AKAP13: variants seen among roughly 807,000 people sequenced by gnomAD.
The protein encoded by AKAP13 is A-kinase anchoring protein 13.
Under a neutral mutation model 264.5 loss-of-function variants are expected in AKAP13, and 80 were observed. The ratio of observed to expected loss-of-function variants is 0.30; its 90% CI spans 0.25 to 0.36. The LOEUF (loss-of-function observed/expected upper bound fraction) is 0.36. Ranked by LOEUF, AKAP13 falls within the 10% of genes least tolerant of loss-of-function variation. AKAP13 has a pLI of 1.00. For missense variants in AKAP13, 3,712 were observed against 3,435.2 expected (o/e 1.08, Z -2.01); for synonymous variants, 1,380 against 1,250.2 (o/e 1.10, Z -2.19).
chr15:85,402,661 C>A (rs1241712982), intron 1 of AKAP13, among the ~76,000 whole-genome samples: 1 of 152,146 alleles, frequency 6.6e-6, no homozygotes, highest in Non-Finnish European at 1.5e-5. Flanking sequence ...TTTATGCTAG[C>A]TGCCATTTTT....
intron 5 of AKAP13, among the ~76,000 whole-genome samples, chr15:85,557,233 C>T (rs1402371623): frequency 6.6e-6 from 1 of 152,184 alleles, no homozygotes; most frequent in Non-Finnish European, 1.5e-5. Flanking sequence ...CAGCCCTTAG[C>T]TCTGTGAAGC....
Position 85,717,922 on chromosome 15 carries a change from A to C in AKAP13, c.5849-85A>C, listed in dbSNP as rs959354018. 6 of 1,340,046 alleles carry C rather than the reference A, an allele frequency of 4.5e-6. No individual in the cohort carries two copies. In the African/African-American group the frequency reaches 7.4e-5, roughly 16 times the overall value. The allele number at this position is 1,340,046 out of a possible 1,614,324, so 83.0% of individuals were successfully genotyped here. A position where few individuals can be genotyped will look rare whatever the true frequency, so the allele number is the denominator to read the frequency against. On this transcript the variant is annotated intron_variant, in intron 21 of 36. Transcript: ENST00000394518. Reference sequence around the variant, plus strand: ...CTGTATTCATGTGTCTTATGAAATCAACTATCATCTTGAGGAAAGTCCAAC... The same window carrying C: ...CTGTATTCATGTGTCTTATGAAATCCACTATCATCTTGAGGAAAGTCCAAC...
At chr15:85,740,393 C>A in intron 34 of AKAP13, 121 bp downstream of exon 34, 2 of 1,079,308 alleles carry the variant, frequency 1.9e-6, no homozygotes, top group South Asian at 1.4e-5. Flanking sequence ...GGCCCTCAGT[C>A]TAGGGAAGAC....
chr15:85,456,550 G>GTTTTT (rs34952196), intron 1 of AKAP13, among the ~76,000 whole-genome samples: 1 of 121,860 alleles, frequency 8.2e-6, no homozygotes, highest in Non-Finnish European at 1.7e-5. Context: ...CCCACTTTCT[G>GTTTTT]TTTTTTTTTT....
chr15:85,521,635 T>C, intron 3 of AKAP13, 60 bp downstream of exon 3: 2 of 1,559,306 alleles, frequency 1.3e-6, no homozygotes, highest in South Asian at 1.2e-5. Context: ...TTTTATTCGA[T>C]GTTTATGAGT....
chr15:85,399,721 A>G (rs1044402134), intron 1 of AKAP13, among the ~76,000 whole-genome samples: 11 of 151,842 alleles, frequency 7.2e-5, no homozygotes, highest in African/African-American at 2.4e-4. Flanking sequence ...TCAATATTAA[A>G]AGACAGATGG....
intron 17 of AKAP13, among the ~76,000 whole-genome samples, chr15:85,698,432 T>A (rs1424229635): frequency 8.4e-6 from 1 of 118,960 alleles, no homozygotes; most frequent in Non-Finnish European, 1.6e-5. Flanking sequence ...GCCACTACAC[T>A]CCAGTCTGGG....
At chr15:85,562,015 T>C (rs1318877969) in intron 5 of AKAP13, among the ~76,000 whole-genome samples, 7 of 152,224 alleles carry the variant, frequency 4.6e-5, no homozygotes, top group Non-Finnish European at 1.5e-5. Context: ...GCTGGCTGGC[T>C]CCATTACTTA....
At chr15:85,507,749 T>G (rs1288961950) in intron 2 of AKAP13, among the ~76,000 whole-genome samples, 1 of 152,228 alleles carries the variant, frequency 6.6e-6, no homozygotes, top group Non-Finnish European at 1.5e-5. Flanking sequence ...GCTTGCTTCC[T>G]TTAGAACTGA....
chr15:85,414,171 A>G (rs1208908634), intron 1 of AKAP13, among the ~76,000 whole-genome samples: 1 of 151,920 alleles, frequency 6.6e-6, no homozygotes, highest in African/African-American at 2.4e-5. Context: ...TTTTTTCAGC[A>G]CTATTGTGGC....
chr15:85,531,454 T>A (rs1335389634), intron 3 of AKAP13, among the ~76,000 whole-genome samples: 2 of 152,192 alleles, frequency 1.3e-5, no homozygotes, highest in Non-Finnish European at 2.9e-5. Flanking sequence ...TGAACAAAAC[T>A]GAGTCAGATG....
chr15:85,717,415 T>TA lies in AKAP13; in HGVS notation c.5848+14dup, dbSNP rs771075646. Reference sequence around the variant, plus strand: ...CTTACTGATGAGGGTAAGAGGAAGTTATGGCCTTTATTTTATGCCTCTGTA... The same window carrying TA: ...CTTACTGATGAGGGTAAGAGGAAGTTAATGGCCTTTATTTTATGCCTCTGTA... On this transcript the variant is annotated intron_variant, in intron 21 of 36. Transcript: ENST00000394518. 1 of 1,577,790 alleles carries TA rather than the reference T, an allele frequency of 6.3e-7. No individual in the cohort carries two copies. The highest frequency in any genetic ancestry group is 1.7e-5 in the Admixed American group (1 of 59,092).
chr15:85,428,276 C>T (rs1025985329), intron 1 of AKAP13, among the ~76,000 whole-genome samples: 3 of 152,094 alleles, frequency 2.0e-5, no homozygotes, highest in Non-Finnish European at 2.9e-5. Context: ...CTTGGCTCAC[C>T]GCAACCTCCG....
chr15:85,449,776 A>G (rs1327875598), intron 1 of AKAP13, among the ~76,000 whole-genome samples: 1 of 152,158 alleles, frequency 6.6e-6, no homozygotes, highest in African/African-American at 2.4e-5. Context: ...TTACTTGATC[A>G]TGGTGGATTA....
chr15:85,658,575 C>G lies in AKAP13; in HGVS notation c.4784C>G (p.Pro1595Arg). 7 of 1,613,848 alleles carry G rather than the reference C, an allele frequency of 4.3e-6. No individual in the cohort carries two copies. Among genetic ancestry groups the G allele is most frequent in the Non-Finnish European group, 5.9e-6 (7 of 1,179,858 alleles). The change falls in exon 12 of 37, where the codon CCC becomes CGC. Residue 1595 changes from proline (P) to arginine (R), a missense_variant. Pro to Arg is a moderately radical substitution (Grantham distance 103, BLOSUM62 -2). Around this residue, in one of 3 missense-constraint regions of AKAP13, gnomAD observed 2,759 missense variants for 2,411.7 expected, o/e 1.14. Transcript: ENST00000394518. ...CTTGGGGATGTTGTCAGGAGACCTC[C>G]CATTCATAGGAGAAGGTACAGAGTT... ...RVLGDVVRRP[P>R]IHRRSFSLEG...
intron 1 of AKAP13, among the ~76,000 whole-genome samples, chr15:85,399,535 A>AAAAAAAAAAAAAAT (rs1567038735): frequency 3.8e-5 from 4 of 105,600 alleles, no homozygotes; most frequent in African/African-American, 8.1e-5. Context: ...AAAAAATAAA[A>AAAAAAAAAAAAAAT]AAATAAATAA....
chr15:85,547,611 G>A (rs74025609), intron 5 of AKAP13, among the ~76,000 whole-genome samples: 2,418 of 152,146 alleles, frequency 0.016, 65 homozygotes, highest in African/African-American at 0.056. Flanking sequence ...TCAGTGTTAG[G>A]GAAGGCAGAG....
At chr15:85,413,035 A>G (rs1331256350) in intron 1 of AKAP13, among the ~76,000 whole-genome samples, 1 of 152,212 alleles carries the variant, frequency 6.6e-6, no homozygotes. Flanking sequence ...TTTAAGTTGA[A>G]ATTGAAAGCC....
At chr15:85,559,037 TATATC>T (rs1404541491) in intron 5 of AKAP13, among the ~76,000 whole-genome samples, 1 of 152,090 alleles carries the variant, frequency 6.6e-6, no homozygotes, top group African/African-American at 2.4e-5. Flanking sequence ...TTTATTCAGT[TATATC>T]ATTCTTTCCA....
Sources: gnomAD v4.1 joint callset for allele counts (sites outside exome capture counted in the v4.1 genomes callset) on GRCh38, gnomAD v4.1.1 for gene constraint, gnomAD v4.1.1 regional missense constraint, MANE v1.5 for transcripts, NCBI Gene and HGNC (gene_info 2026-07-23, HGNC 2026-07-21) for gene names.